SPATC1L: variants seen among roughly 807,000 people sequenced by gnomAD.
SPATC1L encodes the protein spermatogenesis and centriole associated 1 like, also known as speriolin-like protein.
Under a neutral mutation model 21.2 loss-of-function variants are expected in SPATC1L, and 20 were observed. The observed-to-expected ratio is 0.94, with a 90% CI of 0.66 to 1.37. The LOEUF (loss-of-function observed/expected upper bound fraction) is 1.37, where lower values mean the gene tolerates loss of function less well. Ranked by LOEUF, SPATC1L falls within the 40% of genes most tolerant of loss-of-function variation. The pLI is 0.00. For missense variants in SPATC1L, 499 were observed against 478.7 expected, an observed-to-expected ratio of 1.04 and a Z score of -0.40; for synonymous variants, 290 against 234.5, an observed-to-expected ratio of 1.24 and a Z score of -2.16.
Position 46,168,670 on chromosome 21 carries a change from A to C in SPATC1L, c.194-12T>G. On this transcript the variant is annotated splice_polypyrimidine_tract_variant and intron_variant, in intron 2 of 4. Coordinates refer to ENST00000291672, the MANE Select transcript of SPATC1L (RefSeq NM_001142854.2). ...TCCGAAATCTGGAACTGAGGCGGGG[A>C]GGAAAGGGATGAGAAATCAGGCTGA... is the stretch of plus-strand genomic sequence containing the variant. The C allele has an allele frequency of 7.4e-7, 1 of 1,357,846 alleles. No individual in the cohort carries two copies. The allele number at this position is 1,357,846 out of a possible 1,614,324, so 84.1% of individuals were successfully genotyped here.
chr21:46,168,206 CTGGA>C (rs976865960), intron 3 of SPATC1L, 98 bp downstream of exon 3: 1 of 721,178 alleles, frequency 1.4e-6, no homozygotes, highest in African/African-American at 1.8e-5. Context: ...CTCTGTGTGA[CTGGA>C]TGGAGAAACG....
In SPATC1L at chr21:46,161,498, CGGCCGGGCTGCTGTGCAGGGGGTT is replaced by C; in HGVS notation, c.880_903del (p.Asn294_Ala301del). 1 of 1,607,078 alleles carries C rather than the reference CGGCCGGGCTGCTGTGCAGGGGGTT, an allele frequency of 6.2e-7. No individual in the cohort carries two copies. The highest frequency in any genetic ancestry group is 1.3e-5 in the African/African-American group (1 of 74,896). On this transcript the variant is annotated inframe_deletion, in exon 5 of 5. Transcript: ENST00000291672. Reference sequence around the variant, plus strand: ...ACGTCGATGACCAGCTTGCGCAGCGCGGCCGGGCTGCTGTGCAGGGGGTTGGCGCGCAGGTCGGGCCGCTGCTTC... The same window carrying C: ...ACGTCGATGACCAGCTTGCGCAGCGCGGCGCGCAGGTCGGGCCGCTGCTTC...
intron 3 of SPATC1L, among the ~76,000 whole-genome samples, chr21:46,163,957 G>A (rs1001665963): frequency 6.6e-6 from 1 of 152,136 alleles, no homozygotes; most frequent in Non-Finnish European, 1.5e-5. Flanking sequence ...ACAATATAAA[G>A]TCTTCTAATC....
chr21:46,162,644 T>C (rs1601375297), intron 3 of SPATC1L, among the ~76,000 whole-genome samples: 1 of 144,950 alleles, frequency 6.9e-6, no homozygotes, highest in African/African-American at 2.6e-5. Context: ...TGGAGTGCAG[T>C]GGCGCCATCT....
intron 2 of SPATC1L, among the ~76,000 whole-genome samples, chr21:46,179,442 A>G (rs2079655805): frequency 1.3e-5 from 2 of 152,114 alleles, no homozygotes; most frequent in South Asian, 4.2e-4. Flanking sequence ...AAATATAAAA[A>G]TTCTTAAAAC....
At chr21:46,180,787 C>T (rs1201621510) in intron 2 of SPATC1L, among the ~76,000 whole-genome samples, 1 of 152,182 alleles carries the variant, frequency 6.6e-6, no homozygotes, top group Non-Finnish European at 1.5e-5. Context: ...CCAGCCCGGG[C>T]CACACTGAGC....
At chr21:46,164,441 G>C (rs2079525501) in intron 3 of SPATC1L, among the ~76,000 whole-genome samples, 3 of 152,124 alleles carry the variant, frequency 2.0e-5, no homozygotes, top group African/African-American at 7.2e-5. Flanking sequence ...GGCCAATGAG[G>C]GGTGTGGAAG....
chr21:46,172,354 G>A (rs17293390), intron 2 of SPATC1L, among the ~76,000 whole-genome samples: 8,789 of 152,314 alleles, frequency 0.058, 361 homozygotes, highest in Non-Finnish European at 0.088. Flanking sequence ...GCTGTGCAGC[G>A]TAGCAAGATA....
chr21:46,182,858 C>G lies in SPATC1L; in HGVS notation c.-42G>C. On this transcript the variant is annotated 5_prime_UTR_variant, in exon 2 of 5. Coordinates refer to ENST00000291672, the MANE Select transcript of SPATC1L (RefSeq NM_001142854.2). The stretch of plus-strand genomic sequence containing the variant: ...CTTGTCCCTCACGGCTCCTGCAGCC[C>G]CATGGAGGTGGGAGCCCAGAGCCCG... The G allele has an allele frequency of 6.8e-7, 1 of 1,466,970 alleles. No homozygotes were observed. The allele number at this position is 1,466,970 out of a possible 1,614,324, so 90.9% of individuals were successfully genotyped here.
At chr21:46,170,210 T>C (rs1459099507) in intron 2 of SPATC1L, among the ~76,000 whole-genome samples, 73 of 139,076 alleles carry the variant, frequency 5.2e-4, no homozygotes, top group Non-Finnish European at 6.5e-4. Context: ...AGGAGCCCCC[T>C]GCTCTGTGAA....
chr21:46,161,460 C>G lies in SPATC1L; in HGVS notation c.942G>C (p.Lys314Asn). The G allele has an allele frequency of 6.3e-7, 1 of 1,595,014 alleles. No homozygotes were observed. The highest frequency in any genetic ancestry group is 2.3e-5 in the East Asian group (1 of 44,404). Reference protein sequence around the residue: ...RKLVIDVVPPKFLGDSLLLLN... With the variant: ...RKLVIDVVPPNFLGDSLLLLN... The stretch of plus-strand genomic sequence containing the variant: ...GCAGCAGCAGCGAGTCGCCCAGGAA[C>G]TTGGGGGGCACCACGTCGATGACCA... Residue 314 changes from lysine (K) to asparagine (N), a missense_variant, in exon 5 of 5, where the codon AAG becomes AAC. Coordinates refer to ENST00000291672, the MANE Select transcript of SPATC1L (RefSeq NM_001142854.2).
Position 46,182,984 on chromosome 21 carries a change from G to T in SPATC1L, c.-168C>A. 2 of 710,038 alleles carry T rather than the reference G, an allele frequency of 2.8e-6. No individual in the cohort carries two copies. Among genetic ancestry groups the T allele is most frequent in the Non-Finnish European group, 2.2e-6 (1 of 459,378 alleles). The allele number at this position is 710,038 out of a possible 1,614,324, so 44.0% of individuals were successfully genotyped here. A position where few individuals can be genotyped will look rare whatever the true frequency, so the allele number is the denominator to read the frequency against. On this transcript the variant is annotated 5_prime_UTR_variant, in exon 2 of 5. Transcript: ENST00000291672. Reference sequence around the variant, plus strand: ...CTAGTGATGAGGTGCCCAGCACCCTGCCTGCCCCCGCGATGGCTCATGGCC... The same window carrying T: ...CTAGTGATGAGGTGCCCAGCACCCTTCCTGCCCCCGCGATGGCTCATGGCC...
intron 3 of SPATC1L, among the ~76,000 whole-genome samples, chr21:46,164,837 C>G (rs78899371): frequency 1.3e-5 from 2 of 150,550 alleles, no homozygotes; most frequent in Non-Finnish European, 2.9e-5. Context: ...TCCCATCCCC[C>G]CACCAAGGCA....
intron 2 of SPATC1L, among the ~76,000 whole-genome samples, chr21:46,171,126 C>A (rs1298566937): frequency 1.3e-5 from 2 of 152,256 alleles, no homozygotes; most frequent in Non-Finnish European, 1.5e-5. Context: ...TCCATGCCCA[C>A]CAACACCTCC....
chr21:46,162,362 G>A (rs1023415555), intron 3 of SPATC1L, among the ~76,000 whole-genome samples: 3 of 152,062 alleles, frequency 2.0e-5, no homozygotes, highest in South Asian at 2.1e-4. Flanking sequence ...CTGCCCCAGC[G>A]TCGGCCCCTG....
intron 2 of SPATC1L, among the ~76,000 whole-genome samples, chr21:46,177,917 T>C (rs995709084): frequency 4.6e-5 from 7 of 152,064 alleles, no homozygotes; most frequent in African/African-American, 1.4e-4. Context: ...ATAGACACCA[T>C]GGAATATTAT....
chr21:46,165,305 T>C (rs2079532322), intron 3 of SPATC1L, among the ~76,000 whole-genome samples: 1 of 152,212 alleles, frequency 6.6e-6, no homozygotes, highest in African/African-American at 2.4e-5. Flanking sequence ...TGATTAATGG[T>C]CCCTGAGTAA....
chr21:46,180,517 A>T (rs1285891025), intron 2 of SPATC1L, among the ~76,000 whole-genome samples: 1 of 152,258 alleles, frequency 6.6e-6, no homozygotes, highest in Non-Finnish European at 1.5e-5. Flanking sequence ...TTTTGAACAC[A>T]GATGCTAATG....
In SPATC1L at chr21:46,161,214, G is replaced by T; in HGVS notation, c.*165C>A. ...GAAGCACTCCGCAGGTGCGGGCAGC[G>T]GCGGGCTGCGGTCGGGGCCCAGCAC... is the stretch of plus-strand genomic sequence containing the variant. On this transcript the variant is annotated 3_prime_UTR_variant, in exon 5 of 5. Transcript: ENST00000291672. The T allele has an allele frequency of 1.8e-6, 1 of 545,906 alleles. No individual in the cohort carries two copies. The highest frequency in any genetic ancestry group is 3.0e-6 in the Non-Finnish European group (1 of 336,240). 33.8% of individuals were successfully genotyped at this position (545,906 alleles called of 1,614,324 possible).
Sources: allele counts gnomAD v4.1 joint callset (sites outside exome capture counted in the v4.1 genomes callset), GRCh38; gene constraint gnomAD v4.1.1; transcripts MANE v1.5; gene names NCBI Gene and HGNC (gene_info 2026-07-23, HGNC 2026-07-21).